The following EXOC5 variants were observed in gnomAD, a reference collection of about 807,000 sequenced individuals.
EXOC5 encodes SEC10-like 1.
Under a neutral mutation model 90.8 loss-of-function variants are expected in EXOC5, and 17 were observed. That is an observed-to-expected ratio of 0.19 (90% CI 0.13 to 0.28). The LOEUF (loss-of-function observed/expected upper bound fraction) is 0.28, where lower values mean the gene tolerates loss of function less well. Ranked by LOEUF, EXOC5 falls within the 10% of genes least tolerant of loss-of-function variation. The pLI, the probability that EXOC5 is intolerant of heterozygous loss-of-function variation, is 1.00. For missense variants in EXOC5, 569 were observed against 830.6 expected (o/e 0.69, Z 3.87); for synonymous variants, 260 against 270.0 (o/e 0.96, Z 0.36).
At chr14:57,261,995 C>G (rs962396198) in intron 1 of EXOC5, among the ~76,000 whole-genome samples, 8 of 152,140 alleles carry the variant, frequency 5.3e-5, no homozygotes, top group African/African-American at 1.9e-4. Context: ...GATCTTGTGA[C>G]CATCCTGAAA....
intron 12 of EXOC5, among the ~76,000 whole-genome samples, chr14:57,225,597 A>C (rs1297798699): frequency 6.6e-6 from 1 of 152,302 alleles, no homozygotes; most frequent in East Asian, 1.9e-4. Context: ...TACAAAAAAA[A>C]AAAAAAGGCA....
intron 1 of EXOC5, among the ~76,000 whole-genome samples, chr14:57,264,122 G>A (rs1884598778): frequency 6.6e-6 from 1 of 152,186 alleles, no homozygotes; most frequent in Admixed American, 6.5e-5. Context: ...CTGGCCTACA[G>A]ATTCATTCAA....
At chr14:57,209,037 A>T (rs1398299936) in intron 17 of EXOC5, among the ~76,000 whole-genome samples, 1 of 152,230 alleles carries the variant, frequency 6.6e-6, no homozygotes, top group Non-Finnish European at 1.5e-5. Context: ...ACAATCATAT[A>T]TACTTCAGAG....
chr14:57,258,507 T>C (rs1052133063), intron 1 of EXOC5, among the ~76,000 whole-genome samples: 7 of 151,908 alleles, frequency 4.6e-5, no homozygotes, highest in Non-Finnish European at 8.8e-5. Flanking sequence ...TGAGAATACA[T>C]GGACACAGGG....
intron 1 of EXOC5, among the ~76,000 whole-genome samples, chr14:57,263,739 T>TAAAAAAAAAAAAAAAAAAAAAAAACA (rs550651836): frequency 5.1e-5 from 2 of 39,354 alleles, no homozygotes. Flanking sequence ...CACTCCAGCC[T>TAAAAAAAAAAAAAAAAAAAAAAAACA]AAAAAAAAAA....
chr14:57,230,631 A>G (rs796672558), intron 11 of EXOC5, among the ~76,000 whole-genome samples: 57 of 152,326 alleles, frequency 3.7e-4, no homozygotes, highest in African/African-American at 1.3e-3. Context: ...TGAGTCCACC[A>G]ATGTCATTCT....
chr14:57,224,627 G>A (rs1331052259), intron 12 of EXOC5, among the ~76,000 whole-genome samples: 1 of 152,066 alleles, frequency 6.6e-6, no homozygotes, highest in Non-Finnish European at 1.5e-5. Flanking sequence ...GACTTCACTT[G>A]TGACTTTTAC....
chr14:57,217,478 G>A (rs1382142699), intron 15 of EXOC5, among the ~76,000 whole-genome samples: 2 of 152,110 alleles, frequency 1.3e-5, no homozygotes, highest in African/African-American at 2.4e-5. Context: ...GGTGATCTGT[G>A]ATCAGTGATC....
chr14:57,222,842 C>A (rs1010710902), intron 12 of EXOC5, among the ~76,000 whole-genome samples: 7 of 151,232 alleles, frequency 4.6e-5, no homozygotes, highest in Non-Finnish European at 8.9e-5. Flanking sequence ...ATGTAAAATG[C>A]ATTTCTTACT....
intron 15 of EXOC5, among the ~76,000 whole-genome samples, chr14:57,212,851 A>C (rs1882868951): frequency 6.6e-6 from 1 of 152,176 alleles, no homozygotes; most frequent in Admixed American, 6.5e-5. Flanking sequence ...CCATACCATT[A>C]AGTAGCAATG....
Position 57,232,691 on chromosome 14 carries a change from T to C in EXOC5, c.914A>G (p.Lys305Arg), listed in dbSNP as rs755584405. 1.3e-6 allele frequency: 2 copies of C among 1,500,868 alleles called. No homozygotes were observed. Among genetic ancestry groups the C allele is most frequent in the South Asian group, 1.2e-5 (1 of 81,530 alleles). 93.0% of individuals were successfully genotyped at this position (1,500,868 alleles called of 1,614,324 possible). A position where few individuals can be genotyped will look rare whatever the true frequency, so the allele number is the denominator to read the frequency against. ...CRKSDAEQYL[K>R]NLYDLYTRTT... ...CCTTGTATACAGATCATAGAGATTT[T>C]TGAGATATTGCTCTGCATCGGACTT... The change falls in exon 10 of 18, where the codon AAA becomes AGA. Residue 305 changes from lysine (K) to arginine (R), a missense_variant. Coordinates refer to ENST00000621441, the MANE Select transcript of EXOC5 (RefSeq NM_006544.4).
At position 57,204,406 on chromosome 14, in the gene EXOC5, G is replaced by A. The variant is rs1015904025; in HGVS notation, c.*4203C>T. ...TTTAAAACCCTTAACATGCAATTCTGATTACATGAAAATGACTATCTACTG... is the reference window on the plus strand; with the variant it reads ...TTTAAAACCCTTAACATGCAATTCTAATTACATGAAAATGACTATCTACTG... On this transcript the variant is annotated 3_prime_UTR_variant, in exon 18 of 18. Transcript: ENST00000621441. 1 of 151,998 alleles carries A rather than the reference G, an allele frequency of 6.6e-6. No individual in the cohort carries two copies. The highest frequency in any genetic ancestry group is 1.5e-5 in the Non-Finnish European group (1 of 67,948). The allele number at this position is 151,998 out of a possible 1,614,324, so 9.4% of individuals were successfully genotyped here. A position where few individuals can be genotyped will look rare whatever the true frequency, so the allele number is the denominator to read the frequency against.
In EXOC5 at chr14:57,244,272, C is replaced by T. The variant is rs1883966666; in HGVS notation, c.358G>A (p.Val120Ile). ...ACTGCCCGTTGTCTGGGTGTGTTTA[C>T]CCCCTCTAACTGGTCTCCAAGGTGA... The part of the protein sequence containing the change: ...VCHLGDQLEG[V>I]NTPRQRAVEA... Residue 120 changes from valine (V) to isoleucine (I), a missense_variant, in exon 4 of 18, where the codon GTA becomes ATA. By Grantham distance (29) the Val-to-Ile change is conservative. Transcript: ENST00000621441. The T allele has an allele frequency of 6.2e-7, 1 of 1,613,180 alleles. No individual in the cohort carries two copies. The highest frequency in any genetic ancestry group is 1.1e-5 in the South Asian group (1 of 91,086).
intron 3 of EXOC5, among the ~76,000 whole-genome samples, chr14:57,245,978 A>T (rs2139653374): frequency 6.6e-6 from 1 of 152,142 alleles, no homozygotes; most frequent in African/African-American, 2.4e-5. Flanking sequence ...TGAACTTGGG[A>T]GGTGGAGGTT....
In EXOC5 at chr14:57,216,167, G is replaced by A. The variant is rs1882965446; in HGVS notation, c.1613+1815C>T. The stretch of plus-strand genomic sequence containing the variant: ...CATTGCCAAAAGAAACAAGTAAATG[G>A]AAACATATCCCGTGTTTAGAGCTTG... On this transcript the variant is annotated intron_variant, in intron 15 of 17. Coordinates refer to ENST00000621441, the MANE Select transcript of EXOC5 (RefSeq NM_006544.4). Among the ~76,000 whole-genome samples the A allele has an allele frequency of 2.6e-5, 4 of 151,754 alleles. No homozygotes were observed. In the South Asian group the frequency reaches 8.3e-4, roughly 32 times the overall value.
Position 57,202,585 on chromosome 14 carries a change from G to A in EXOC5, c.*6024C>T, listed in dbSNP as rs1882539589. 1 of 152,130 alleles carries A rather than the reference G, an allele frequency of 6.6e-6. No individual in the cohort carries two copies. Among genetic ancestry groups the A allele is most frequent in the Admixed American group, 6.6e-5 (1 of 15,262 alleles). 9.4% of individuals were successfully genotyped at this position (152,130 alleles called of 1,614,324 possible). A position where few individuals can be genotyped will look rare whatever the true frequency, so the allele number is the denominator to read the frequency against. ...AAAGCAGAATGTAGAACACTAATCA[G>A]TAGATTCTTATTAGAGTTGATAAAG... On this transcript the variant is annotated 3_prime_UTR_variant, in exon 18 of 18. Coordinates refer to ENST00000621441, the MANE Select transcript of EXOC5 (RefSeq NM_006544.4).
chr14:57,259,414 T>TAA (rs1166116860), intron 1 of EXOC5, among the ~76,000 whole-genome samples: 2 of 152,212 alleles, frequency 1.3e-5, no homozygotes, highest in Non-Finnish European at 2.9e-5. Flanking sequence ...CACACTCTTA[T>TAA]ATCTACCCTT....
intron 4 of EXOC5, among the ~76,000 whole-genome samples, chr14:57,242,147 G>A (rs28532569): frequency 2.1e-4 from 29 of 135,716 alleles, no homozygotes; most frequent in South Asian, 1.1e-3. Context: ...AAAAAAAAAA[G>A]AAAAAAAAGA....
chr14:57,220,956 T>A (rs1883119735), intron 13 of EXOC5, among the ~76,000 whole-genome samples: 1 of 152,094 alleles, frequency 6.6e-6, no homozygotes, highest in African/African-American at 2.4e-5. Context: ...AGTACAGGAG[T>A]AGGCATTTAA....
Sources: allele counts gnomAD v4.1 joint callset (sites outside exome capture counted in the v4.1 genomes callset), GRCh38; gene constraint gnomAD v4.1.1; transcripts MANE v1.5; gene names NCBI Gene and HGNC (gene_info 2026-07-23, HGNC 2026-07-21).